The following ETV5 variants were observed in gnomAD, a reference collection of about 807,000 sequenced individuals.
The protein encoded by ETV5 is ETS translocation variant 5.
Under a neutral mutation model 70.0 loss-of-function variants are expected in ETV5, and 10 were observed. The ratio of observed to expected loss-of-function variants is 0.14; its 90% CI spans 0.09 to 0.24. ETV5 has a LOEUF of 0.24. Ranked by LOEUF, ETV5 falls within the 10% of genes least tolerant of loss-of-function variation. The pLI, the probability that ETV5 is intolerant of heterozygous loss-of-function variation, is 1.00. For synonymous variants in ETV5, 216 were observed against 242.2 expected (o/e 0.89, Z 1.01); for missense variants, 453 against 651.2 (o/e 0.70, Z 3.31).
chr3:186,078,898 C>T, intron 7 of ETV5: 2 of 262,290 alleles, frequency 7.6e-6, no homozygotes, highest in East Asian at 1.2e-4. Context: ...ATAAAATGAC[C>T]TCCAAGTAAA....
intron 7 of ETV5, among the ~76,000 whole-genome samples, chr3:186,076,144 A>T (rs1219353772): frequency 2.6e-5 from 4 of 152,164 alleles, no homozygotes; most frequent in Non-Finnish European, 5.9e-5. Flanking sequence ...GTCAAATTAC[A>T]TGTCTTTTCC....
chr3:186,079,215 C>T (rs935730305), intron 7 of ETV5: 1 of 452,620 alleles, frequency 2.2e-6, no homozygotes, highest in Non-Finnish European at 3.1e-6. Flanking sequence ...GTTCCCTTCA[C>T]ACACTTTTTT....
At chr3:186,093,162 C>A (rs975989664) in intron 5 of ETV5, among the ~76,000 whole-genome samples, 7 of 152,170 alleles carry the variant, frequency 4.6e-5, no homozygotes, top group Non-Finnish European at 8.8e-5. Context: ...TTCTAGCAGA[C>A]CCCAGAACAA....
chr3:186,064,845 G>A (rs1303038696), intron 8 of ETV5, among the ~76,000 whole-genome samples: 1 of 152,230 alleles, frequency 6.6e-6, no homozygotes, highest in Non-Finnish European at 1.5e-5. Flanking sequence ...ACTCCTGGGT[G>A]TTAGGGTGGG....
chr3:186,069,281 T>C (rs756008220), intron 7 of ETV5, among the ~76,000 whole-genome samples: 1 of 152,234 alleles, frequency 6.6e-6, no homozygotes, highest in Non-Finnish European at 1.5e-5. Context: ...ACCTGGCCAA[T>C]GTCTTAAACA....
Position 186,064,433 on chromosome 3 carries a change from G to C in ETV5, c.954C>G (p.Phe318Leu). Residue 318 changes from phenylalanine (F) to leucine (L), a missense_variant, in exon 9 of 13, where the codon TTC (phenylalanine) becomes TTG (leucine). Phe to Leu is a conservative substitution (Grantham distance 22). Coordinates refer to ENST00000306376, the MANE Select transcript of ETV5 (RefSeq NM_004454.3). ...GTTCCTTACCTTCATGGCTGCTGGAGAAATAACCCCCTCTCATGTAGGATG... is the reference window on the plus strand; with the variant it reads ...GTTCCTTACCTTCATGGCTGCTGGACAAATAACCCCCTCTCATGTAGGATG... Reference protein sequence around the residue: ...CQSSYMRGGYFSSSHEGFSYE... With the variant: ...CQSSYMRGGYLSSSHEGFSYE... The C allele has an allele frequency of 6.2e-7, 1 of 1,614,166 alleles. No homozygotes were observed.
At chr3:186,051,476 C>G (rs886612168) in intron 12 of ETV5, among the ~76,000 whole-genome samples, 2 of 152,232 alleles carry the variant, frequency 1.3e-5, no homozygotes, top group Non-Finnish European at 2.9e-5. Flanking sequence ...GCTTCATCCT[C>G]TATTCCACAA....
Position 186,066,138 on chromosome 3 carries a change from T to G in ETV5, c.651-66A>C. The G allele has an allele frequency of 3.5e-6, 5 of 1,418,474 alleles. 1 individual carries two copies. The South Asian group carries it at 5.8e-5, about 17-fold the overall frequency. 87.9% of individuals were successfully genotyped at this position (1,418,474 alleles called of 1,614,324 possible). ...ATGAATTCCTACTATGATTGAGCACTGGGGACTAGAAGTTCCAATTAATGA... is the reference window on the plus strand; with the variant it reads ...ATGAATTCCTACTATGATTGAGCACGGGGGACTAGAAGTTCCAATTAATGA... On this transcript the variant is annotated intron_variant, in intron 7 of 12. Transcript: ENST00000306376.
chr3:186,086,923 A>G (rs1252212260), intron 5 of ETV5, among the ~76,000 whole-genome samples: 1 of 152,104 alleles, frequency 6.6e-6, no homozygotes, highest in Non-Finnish European at 1.5e-5. Flanking sequence ...GTGAGCTGTG[A>G]TCATGCCACT....
intron 8 of ETV5, 197 bp from the exon 9 acceptor site, chr3:186,064,673 A>C (rs1713397139): frequency 5.2e-6 from 3 of 571,970 alleles, no homozygotes; most frequent in Non-Finnish European, 9.3e-6. Context: ...GCTGAAAGGC[A>C]GGCTCTCCTA....
Position 186,066,060 on chromosome 3 carries a change from T to C in ETV5, c.663A>G (p.Gln221=). The C allele has an allele frequency of 1.3e-6, 2 of 1,586,824 alleles. No individual in the cohort carries two copies. The highest frequency in any genetic ancestry group is 8.6e-7 in the Non-Finnish European group (1 of 1,168,730). ...GGAAGGGGTGGCAGGGTTCAGACAG[T>C]TGTCTCTGAAATCTGTAAGAAGAAA... The part of the protein sequence containing the change: ...QYPSEQRFQR[Q]LSEPCHPFPP... Residue 221 remains glutamine (Q), a synonymous_variant, in exon 8 of 13, where the codon CAA becomes CAG. Transcript: ENST00000306376.
rs759682748 is a variant in ETV5 at position 186,079,928 on chromosome 3, G to A, written c.539C>T (p.Ser180Leu). Residue 180 changes from serine (S) to leucine (L), a missense_variant, in exon 7 of 13, where the codon TCG (serine) becomes TTG (leucine). Transcript: ENST00000306376. ...QGVGPAPAPH[S>L]LPEPGPQQQT... ...CTGCTGTGGTCCAGGCTCTGGAAGC[G>A]AATGGGGGGCGGGGGCGGGGCCCAC... is the stretch of plus-strand genomic sequence containing the variant. The A allele has an allele frequency of 4.4e-6, 7 of 1,586,952 alleles. No homozygotes were observed. Among genetic ancestry groups the A allele is most frequent in the African/African-American group, 1.4e-5 (1 of 72,810 alleles).
chr3:186,085,602 G>A (rs553358328), intron 5 of ETV5, among the ~76,000 whole-genome samples: 6 of 146,628 alleles, frequency 4.1e-5, no homozygotes, highest in Admixed American at 1.4e-4. Flanking sequence ...TCTGCCTCCC[G>A]GGTTCAAGTG....
intron 5 of ETV5, among the ~76,000 whole-genome samples, chr3:186,104,094 A>G (rs930778960): frequency 6.6e-6 from 1 of 152,240 alleles, no homozygotes; most frequent in African/African-American, 2.4e-5. Flanking sequence ...ATTATAAACT[A>G]TGACTAAGAG....
chr3:186,061,368 C>T (rs1408919139), intron 9 of ETV5, among the ~76,000 whole-genome samples: 1 of 152,066 alleles, frequency 6.6e-6, no homozygotes, highest in African/African-American at 2.4e-5. Flanking sequence ...ACTTGAGAAC[C>T]GTTACTACTC....
chr3:186,057,207 C>T lies in ETV5; in HGVS notation c.1077G>A (p.Gly359=), dbSNP rs761758478. ...GGGAACCTCGCCTCTGGTAAGGGGG[C>T]CCCTCTCGATACATGGTAGGCTCCT... ...VKQEPTMYRE[G]PPYQRRGSLQ... The change falls in exon 11 of 13, where the codon GGG becomes GGA. Residue 359 remains glycine, a synonymous_variant. Coordinates refer to ENST00000306376, the MANE Select transcript of ETV5 (RefSeq NM_004454.3). The surrounding 1 kb of genome is among the most constrained non-coding windows in gnomAD (Gnocchi z 4.9). 8 of 1,614,162 alleles carry T rather than the reference C, an allele frequency of 5.0e-6. No homozygotes were observed. The highest frequency in any genetic ancestry group is 6.8e-6 in the Non-Finnish European group (8 of 1,180,022).
chr3:186,101,416 G>T (rs1213948698), intron 5 of ETV5, among the ~76,000 whole-genome samples: 3 of 152,174 alleles, frequency 2.0e-5, no homozygotes. Context: ...GCCTCCTAAA[G>T]CACTGAGGTT....
chr3:186,050,022 T>C (rs1380534109), intron 12 of ETV5, among the ~76,000 whole-genome samples: 1 of 152,200 alleles, frequency 6.6e-6, no homozygotes, highest in African/African-American at 2.4e-5. Flanking sequence ...CGGGCTATCA[T>C]TCACCTTTTA....
chr3:186,055,351 C>G (rs567275787), intron 11 of ETV5, among the ~76,000 whole-genome samples: 1 of 152,292 alleles, frequency 6.6e-6, no homozygotes, highest in Admixed American at 6.5e-5. Flanking sequence ...AACCAGGCCA[C>G]GTTATTCAGA....
Sources: allele counts gnomAD v4.1 joint callset (sites outside exome capture counted in the v4.1 genomes callset), GRCh38; gene constraint gnomAD v4.1.1; non-coding constraint Gnocchi (gnomAD v3.1); transcripts MANE v1.5; gene names NCBI Gene and HGNC (gene_info 2026-07-23, HGNC 2026-07-21).